Variants in ACTRT3 observed in about 807,000 individuals in gnomAD.
ACTRT3 encodes the protein actin related protein T3.
Under a neutral mutation model 17.6 loss-of-function variants are expected in ACTRT3, and 15 were observed. The ratio of observed to expected loss-of-function variants is 0.85; its 90% CI spans 0.57 to 1.31. The LOEUF is 1.31. ACTRT3 is among the 50% of genes most tolerant of loss of function. The probability of loss-of-function intolerance (pLI) is 0.00; values close to 1 mark genes in which losing one functional copy is unlikely to be tolerated. For missense variants in ACTRT3, 457 were observed against 466.7 expected, an observed-to-expected ratio of 0.98 and a Z score of 0.19; for synonymous variants, 169 against 176.4, an observed-to-expected ratio of 0.96 and a Z score of 0.33.
chr3:169,767,603 CT>C lies in ACTRT3; in HGVS notation c.947del (p.Lys316ArgfsTer12). 1 of 1,614,010 alleles carries C rather than the reference CT, an allele frequency of 6.2e-7. No individual in the cohort carries two copies. The highest frequency in any genetic ancestry group is 8.5e-7 in the Non-Finnish European group (1 of 1,179,982). On this transcript the variant is annotated frameshift_variant, in exon 2 of 2. Coordinates refer to ENST00000330368, the MANE Select transcript of ACTRT3 (RefSeq NM_032487.5). LOFTEE classifies it high-confidence loss of function. Reference sequence around the variant, plus strand: ...GCACAGCGGTGTTGGCAGGAGCCACCTTTGCTATATCCTTAACTAACCGCTT... The same window carrying C: ...GCACAGCGGTGTTGGCAGGAGCCACCTTGCTATATCCTTAACTAACCGCTT... ...LDKRLVKDIAKVAPANTAVQV... is the reference protein window; with the variant it reads ...LDKRLVKDIAXVAPANTAVQV...
intron 1 of ACTRT3, among the ~76,000 whole-genome samples, chr3:169,768,849 T>C (rs1778028817): frequency 6.6e-6 from 1 of 152,158 alleles, no homozygotes; most frequent in African/African-American, 2.4e-5. Context: ...TTTTTGTTGC[T>C]TTCCATTTTC....
chr3:169,768,395 A>G, intron 1 of ACTRT3, 45 bp from the exon 2 acceptor site: 2 of 1,538,714 alleles, frequency 1.3e-6, no homozygotes, highest in Non-Finnish European at 1.8e-6. Flanking sequence ...TTATTTTTCT[A>G]GTTTCTATTG....
intron 1 of ACTRT3, 37 bp from the exon 2 acceptor site, chr3:169,768,387 A>G (rs200320591): frequency 6.4e-7 from 1 of 1,554,986 alleles, no homozygotes; most frequent in African/African-American, 1.4e-5. Flanking sequence ...ACAGCTTTTT[A>G]TTTTTCTAGT....
chr3:169,768,882 C>T (rs1215279467), intron 1 of ACTRT3, among the ~76,000 whole-genome samples: 2 of 152,082 alleles, frequency 1.3e-5, no homozygotes, highest in Admixed American at 1.3e-4. Context: ...AACCTTGTGA[C>T]TTTTAAAAAA....
At chr3:169,768,974 T>C (rs1039696808) in intron 1 of ACTRT3, among the ~76,000 whole-genome samples, 8 of 152,180 alleles carry the variant, frequency 5.3e-5, no homozygotes, top group African/African-American at 1.7e-4. Context: ...CATGAGTTAA[T>C]ATTCTTAAAT....
chr3:169,767,505 A>G lies in ACTRT3; in HGVS notation c.1046T>C (p.Phe349Ser). 1 of 1,613,900 alleles carries G rather than the reference A, an allele frequency of 6.2e-7. No homozygotes were observed. The highest frequency in any genetic ancestry group is 2.2e-5 in the East Asian group (1 of 44,888). ...TGCAGCAGTGATCCACATGTCCTGG[A>G]AGGCAGACAAGGATGCAAGAATAGA... Reference protein sequence around the residue: ...GGSILASLSAFQDMWITAAEF... With the variant: ...GGSILASLSASQDMWITAAEF... The change falls in exon 2 of 2, where the codon TTC becomes TCC. Residue 349 changes from phenylalanine to serine, a missense_variant. Transcript: ENST00000330368.
At chr3:169,768,854 A>G (rs1274196392) in intron 1 of ACTRT3, among the ~76,000 whole-genome samples, 3 of 151,814 alleles carry the variant, frequency 2.0e-5, no homozygotes, top group East Asian at 1.9e-4. Flanking sequence ...GTTGCTTTCC[A>G]TTTTCTCTGT....
In ACTRT3 at chr3:169,769,529, T is replaced by TGCTGCCGCCGCC; in HGVS notation, c.-21_-10dup. ...AGCTGGCAGTGGTTCATGCCGCCGC[T>TGCTGCCGCCGCC]GCTGCCGCCGCCTCCTGTCTCTGAG... On this transcript the variant is annotated 5_prime_UTR_variant, in exon 1 of 2. Transcript: ENST00000330368. 1 of 1,581,562 alleles carries TGCTGCCGCCGCC rather than the reference T, an allele frequency of 6.3e-7. No homozygotes were observed. The highest frequency in any genetic ancestry group is 8.6e-7 in the Non-Finnish European group (1 of 1,161,652).
rs372939031 is a variant in ACTRT3, at chr3:169,768,148, T to C, written c.403A>G (p.Ile135Val). 4 of 1,613,956 alleles carry C rather than the reference T, an allele frequency of 2.5e-6. No homozygotes were observed. Among genetic ancestry groups the C allele is most frequent in the East Asian group, 2.2e-5 (1 of 44,898 alleles). Residue 135 changes from isoleucine to valine, a missense_variant, in exon 2 of 2, where the codon ATC becomes GTC. Physicochemically the swap from Ile to Val is conservative, Grantham distance 29. Transcript: ENST00000330368. ...HLGVPAFYMSIQAVLALFAAG... is the reference protein window; with the variant it reads ...HLGVPAFYMSVQAVLALFAAG... The stretch of plus-strand genomic sequence containing the variant: ...GCAAAGAGAGCCAGCACAGCCTGGA[T>C]GGACATATAGAAGGCAGGAACACCC...
rs757442204 is a variant in ACTRT3, at chr3:169,769,371, T to C, written c.150A>G (p.Glu50=). 3 of 1,588,700 alleles carry C rather than the reference T, an allele frequency of 1.9e-6. No homozygotes were observed. Among genetic ancestry groups the C allele is most frequent in the Non-Finnish European group, 2.6e-6 (3 of 1,171,656 alleles). ...CCTGAGCTTGGTCGCCCACGCAGAGTTCTAGCCCGCCCTGGGCCGCGCGGC... is the reference window on the plus strand; with the variant it reads ...CCTGAGCTTGGTCGCCCACGCAGAGCTCTAGCCCGCCCTGGGCCGCGCGGC... The part of the protein sequence containing the change: ...GQSRAAQGGL[E]LCVGDQAQDW... Residue 50 remains glutamate, a synonymous_variant, in exon 1 of 2, where the codon GAA becomes GAG. Transcript: ENST00000330368.
intron 1 of ACTRT3, 34 bp from the exon 2 acceptor site, chr3:169,768,384 T>C: frequency 6.4e-7 from 1 of 1,561,208 alleles, no homozygotes; most frequent in Non-Finnish European, 8.7e-7. Context: ...ATGACAGCTT[T>C]TTATTTTTCT....
intron 1 of ACTRT3, among the ~76,000 whole-genome samples, chr3:169,768,839 TTTTTGTTGCTTTCCA>T (rs1273099311): frequency 2.6e-5 from 4 of 152,168 alleles, no homozygotes; most frequent in Non-Finnish European, 5.9e-5. Context: ...ACCTCTGCGA[TTTTTGTTGCTTTCCA>T]TTTTCTCTGT....
chr3:169,768,045 C>T lies in ACTRT3; in HGVS notation c.506G>A (p.Cys169Tyr). ...TQSVPIFEGY[C>Y]LPHGVQQLDL... ...CAGTTGCTGCACACCATGAGGCAGA[C>T]AGTAACCCTCAAAGATGGGCACACT... The change falls in exon 2 of 2, where the codon TGT becomes TAT. Residue 169 changes from cysteine (C) to tyrosine (Y), a missense_variant. Coordinates refer to ENST00000330368, the MANE Select transcript of ACTRT3 (RefSeq NM_032487.5). The T allele has an allele frequency of 6.2e-7, 1 of 1,614,152 alleles. No individual in the cohort carries two copies. Among genetic ancestry groups the T allele is most frequent in the African/African-American group, 1.3e-5 (1 of 75,046 alleles).
Position 169,767,284 on chromosome 3 carries a change from T to C in ACTRT3, c.*148A>G. 1 of 650,096 alleles carries C rather than the reference T, an allele frequency of 1.5e-6. No homozygotes were observed. Among genetic ancestry groups the C allele is most frequent in the Non-Finnish European group, 2.5e-6 (1 of 406,568 alleles). 40.3% of individuals were successfully genotyped at this position (650,096 alleles called of 1,614,324 possible). A position where few individuals can be genotyped will look rare whatever the true frequency, so the allele number is the denominator to read the frequency against. On this transcript the variant is annotated 3_prime_UTR_variant, in exon 2 of 2. Coordinates refer to ENST00000330368, the MANE Select transcript of ACTRT3 (RefSeq NM_032487.5). ...CATCTGTTCTTGAGCTTCACCATTA[T>C]TATCCCCCAAACCCATTATAGAAAT...
chr3:169,769,490 C>T lies in ACTRT3; in HGVS notation c.31G>A (p.Asp11Asn). The T allele has an allele frequency of 6.2e-7, 1 of 1,611,132 alleles. No individual in the cohort carries two copies. The highest frequency in any genetic ancestry group is 8.5e-7 in the Non-Finnish European group (1 of 1,179,342). The change falls in exon 1 of 2, where the codon GAC becomes AAC. Residue 11 changes from aspartate (D) to asparagine (N), a missense_variant. Transcript: ENST00000330368. MNHCQLPVVI[D>N]NGSGMIKAGV... ...GCCTTGATCATTCCCGAGCCGTTGT[C>T]GATCACCACCGGTAGCTGGCAGTGG... is the stretch of plus-strand genomic sequence containing the variant.
At chr3:169,769,022 G>A (rs900791964) in intron 1 of ACTRT3, among the ~76,000 whole-genome samples, 3 of 152,026 alleles carry the variant, frequency 2.0e-5, no homozygotes, top group African/African-American at 7.2e-5. Context: ...TAATACATTT[G>A]TATAGCCACA....
Position 169,767,741 on chromosome 3 carries a change from G to A in ACTRT3, c.810C>T (p.Gly270=), listed in dbSNP as rs1390915328. The A allele has an allele frequency of 1.2e-6, 2 of 1,613,926 alleles. No homozygotes were observed. The change falls in exon 2 of 2, where the codon GGC becomes GGT. Residue 270 remains glycine (G), a synonymous_variant. Coordinates refer to ENST00000330368, the MANE Select transcript of ACTRT3 (RefSeq NM_032487.5). ...SPCHMNLEAP[G]IDKICFSSIM... The stretch of plus-strand genomic sequence containing the variant: ...TGCTGCTGAAGCATATCTTATCAAT[G>A]CCAGGGGCCTCAAGGTTCATATGAC...
chr3:169,769,519 ATGCCGCCGC>A lies in ACTRT3; in HGVS notation c.-8_1del. 1.2e-6 allele frequency: 2 copies of A among 1,606,474 alleles called. No individual in the cohort carries two copies. Among genetic ancestry groups the A allele is most frequent in the Non-Finnish European group, 1.7e-6 (2 of 1,176,242 alleles). On this transcript the variant is annotated start_lost and start_retained_variant and 5_prime_UTR_variant, in exon 1 of 2. Coordinates refer to ENST00000330368, the MANE Select transcript of ACTRT3 (RefSeq NM_032487.5). ...CACCACCGGTAGCTGGCAGTGGTTC[ATGCCGCCGC>A]TGCTGCCGCCGCCTCCTGTCTCTGA...
Position 169,767,994 on chromosome 3 carries a change from T to C in ACTRT3, c.557A>G (p.Asn186Ser). The C allele has an allele frequency of 6.2e-7, 1 of 1,614,176 alleles. No homozygotes were observed. Among genetic ancestry groups the C allele is most frequent in the African/African-American group, 1.3e-5 (1 of 75,042 alleles). The change falls in exon 2 of 2, where the codon AAC becomes AGC. Residue 186 changes from asparagine to serine, a missense_variant. By Grantham distance (46) the Asn-to-Ser change is conservative. Coordinates refer to ENST00000330368, the MANE Select transcript of ACTRT3 (RefSeq NM_032487.5). ...GTTCTTCATTAGCACCATGAGGTAG[T>C]TGGTGAGGTCAAGGCCTGCCAGATC... ...QLDLAGLDLT[N>S]YLMVLMKNHG...
Sources: gnomAD v4.1 joint callset for allele counts (sites outside exome capture counted in the v4.1 genomes callset) on GRCh38, gnomAD v4.1.1 for gene constraint, MANE v1.5 for transcripts, NCBI Gene and HGNC (gene_info 2026-07-23, HGNC 2026-07-21) for gene names.